The following PPP3CA variants were observed in gnomAD, a reference collection of about 807,000 sequenced individuals.
PPP3CA encodes protein phosphatase 3 catalytic subunit alpha.
Under a neutral mutation model 66.5 loss-of-function variants are expected in PPP3CA, and 14 were observed. The ratio of observed to expected loss-of-function variants is 0.21; its 90% CI spans 0.14 to 0.33. The LOEUF is 0.33. Among genes scored for constraint, PPP3CA ranks in the 10% least tolerant of loss-of-function variants. The probability of loss-of-function intolerance (pLI) is 1.00; values close to 1 mark genes in which losing one functional copy is unlikely to be tolerated. For missense variants in PPP3CA, 317 were observed against 639.5 expected (o/e 0.50, Z 5.44); for synonymous variants, 232 against 226.2 (o/e 1.03, Z -0.23).
Position 101,107,377 on chromosome 4 carries a change from T to C in PPP3CA, c.384+1577A>G, listed in dbSNP as rs547989701. ...GTTTTGCAACGTAGATTTAGGTTTC[T>C]AGAGAGCAAGAATGTATGTTACATT... On this transcript the variant is annotated intron_variant, in intron 3 of 13. Coordinates refer to ENST00000394854, the MANE Select transcript of PPP3CA (RefSeq NM_000944.5). Among the ~76,000 whole-genome samples, 19 of 152,366 alleles carry C rather than the reference T, an allele frequency of 1.2e-4. No homozygotes were observed. In the South Asian group the frequency reaches 3.9e-3, roughly 32 times the overall value.
At chr4:101,282,106 G>C (rs1053141056) in intron 1 of PPP3CA, among the ~76,000 whole-genome samples, 2 of 152,148 alleles carry the variant, frequency 1.3e-5, no homozygotes, top group African/African-American at 4.8e-5. Context: ...GTTTGAAAGT[G>C]ACTTGCAGTT....
chr4:101,255,385 T>C (rs999438358), intron 1 of PPP3CA, among the ~76,000 whole-genome samples: 1 of 151,962 alleles, frequency 6.6e-6, no homozygotes, highest in Non-Finnish European at 1.5e-5. Context: ...GTTATTTACA[T>C]GCGCTACTTG....
intron 1 of PPP3CA, among the ~76,000 whole-genome samples, chr4:101,263,968 G>C (rs1727088240): frequency 6.6e-6 from 1 of 152,010 alleles, no homozygotes; most frequent in Non-Finnish European, 1.5e-5. Context: ...TGGTAAAAAG[G>C]GTGCCTTAAC....
At chr4:101,026,174 G>T in intron 13 of PPP3CA, 113 bp from the exon 14 acceptor site, 2 of 869,072 alleles carry the variant, frequency 2.3e-6, no homozygotes, top group Admixed American at 2.9e-5. Context: ...GAATCCTTCA[G>T]TGAAGAACAA....
At chr4:101,337,834 G>A (rs1467097037) in intron 1 of PPP3CA, among the ~76,000 whole-genome samples, 1 of 152,130 alleles carries the variant, frequency 6.6e-6, no homozygotes, top group Non-Finnish European at 1.5e-5. Context: ...CCACTCTGTT[G>A]GTGTGGAGTC....
chr4:101,062,690 CCTGTT>C (rs958726372), intron 9 of PPP3CA, among the ~76,000 whole-genome samples: 3 of 151,914 alleles, frequency 2.0e-5, no homozygotes, highest in Non-Finnish European at 1.5e-5. Flanking sequence ...AAATTTGTCT[CCTGTT>C]CTGTACCTTA....
At chr4:101,084,194 T>C (rs924760063) in intron 6 of PPP3CA, among the ~76,000 whole-genome samples, 19 of 152,172 alleles carry the variant, frequency 1.2e-4, no homozygotes, top group African/African-American at 4.3e-4. Flanking sequence ...CTATATACCA[T>C]TGAAAACATT....
intron 1 of PPP3CA, among the ~76,000 whole-genome samples, chr4:101,292,698 T>C (rs1180474489): frequency 2.0e-5 from 3 of 152,172 alleles, no homozygotes; most frequent in South Asian, 2.1e-4. Context: ...ACAAACTAAA[T>C]GGAAGTAAGT....
At chr4:101,264,852 T>C (rs975579229) in intron 1 of PPP3CA, among the ~76,000 whole-genome samples, 4 of 152,122 alleles carry the variant, frequency 2.6e-5, no homozygotes, top group Non-Finnish European at 4.4e-5. Context: ...AGAGTTCTGG[T>C]GATATATGCC....
chr4:101,065,137 T>C (rs1288310756), intron 8 of PPP3CA, among the ~76,000 whole-genome samples: 2 of 152,032 alleles, frequency 1.3e-5, no homozygotes, highest in South Asian at 4.1e-4. Context: ...ATTTATGCCA[T>C]TAGGATACAT....
chr4:101,221,231 G>A (rs777102333), intron 1 of PPP3CA, among the ~76,000 whole-genome samples: 4 of 151,428 alleles, frequency 2.6e-5, no homozygotes, highest in African/African-American at 4.8e-5. Flanking sequence ...AGTAACAGAC[G>A]GCCATAAAAA....
At chr4:101,283,857 C>T (rs1301357248) in intron 1 of PPP3CA, among the ~76,000 whole-genome samples, 1 of 152,200 alleles carries the variant, frequency 6.6e-6, no homozygotes, top group Non-Finnish European at 1.5e-5. Flanking sequence ...TTCTTAGTTC[C>T]TAAGGCCACC....
intron 1 of PPP3CA, among the ~76,000 whole-genome samples, chr4:101,210,143 T>C (rs2135611): frequency 1.3e-5 from 2 of 151,924 alleles, no homozygotes; most frequent in Non-Finnish European, 2.9e-5. Context: ...ACCATTACCA[T>C]AGTAACCATC....
chr4:101,211,864 A>G (rs966915124), intron 1 of PPP3CA, among the ~76,000 whole-genome samples: 2 of 152,172 alleles, frequency 1.3e-5, no homozygotes, highest in African/African-American at 4.8e-5. Flanking sequence ...TGTCATGGTT[A>G]TTAGTTTTGA....
chr4:101,136,747 G>A (rs1722636276), intron 2 of PPP3CA, among the ~76,000 whole-genome samples: 1 of 151,860 alleles, frequency 6.6e-6, no homozygotes, highest in Admixed American at 6.6e-5. Flanking sequence ...TTTGTTTTGT[G>A]TGAAAATTGG....
chr4:101,261,611 G>C (rs1356286705), intron 1 of PPP3CA, among the ~76,000 whole-genome samples: 1 of 151,956 alleles, frequency 6.6e-6, no homozygotes, highest in African/African-American at 2.4e-5. Context: ...CTTTATAAGT[G>C]ACTAATGTAG....
chr4:101,117,498 T>C, intron 2 of PPP3CA, among the ~76,000 whole-genome samples: 1 of 151,964 alleles, frequency 6.6e-6, no homozygotes, highest in Middle Eastern at 3.4e-3. Context: ...TTTAATTTAT[T>C]GAATAAGGAA....
At chr4:101,182,312 T>C (rs1724259701) in intron 2 of PPP3CA, among the ~76,000 whole-genome samples, 1 of 152,162 alleles carries the variant, frequency 6.6e-6, no homozygotes, top group South Asian at 2.1e-4. Context: ...AGATACTACC[T>C]AATAAACATT....
chr4:101,304,473 T>G (rs1728475773), intron 1 of PPP3CA, among the ~76,000 whole-genome samples: 1 of 152,182 alleles, frequency 6.6e-6, no homozygotes, highest in South Asian at 2.1e-4. Flanking sequence ...ACAAGGACAA[T>G]ATTCCCTGTA....
Sources: allele counts gnomAD v4.1 joint callset (sites outside exome capture counted in the v4.1 genomes callset), GRCh38; gene constraint gnomAD v4.1.1; transcripts MANE v1.5; gene names NCBI Gene and HGNC (gene_info 2026-07-23, HGNC 2026-07-21).